CLEC16A: variants seen among roughly 807,000 people sequenced by gnomAD.
The protein encoded by CLEC16A is C-type lectin domain containing 16A.
Under a neutral mutation model 109.5 loss-of-function variants are expected in CLEC16A, and 51 were observed. The observed-to-expected ratio is 0.47, with a 90% CI of 0.37 to 0.59. CLEC16A has a LOEUF of 0.59. Ranked by LOEUF, CLEC16A falls within the 20% of genes least tolerant of loss-of-function variation. The pLI is 0.00. For synonymous variants in CLEC16A, 673 were observed against 564.2 expected, an observed-to-expected ratio of 1.19 and a Z score of -2.73; for missense variants, 1,339 against 1,394.0, an observed-to-expected ratio of 0.96 and a Z score of 0.63.
intron 19 of CLEC16A, among the ~76,000 whole-genome samples, chr16:11,103,666 C>G (rs936523928): frequency 6.6e-6 from 1 of 152,192 alleles, no homozygotes; most frequent in African/African-American, 2.4e-5. Flanking sequence ...AGTCTACATC[C>G]TCCTGGTCTT....
chr16:10,961,959 CTTTTTTTTCT>C lies in CLEC16A; in HGVS notation c.210-487_210-478del, dbSNP rs1187848107. ...TAAAGCTTTTTGGGAACTTTTTTTT[CTTTTTTTTCT>C]TTTTTTTTTTTTTGGCTCTGTCACC... On this transcript the variant is annotated intron_variant, in intron 2 of 23. Coordinates refer to ENST00000409790, the MANE Select transcript of CLEC16A (RefSeq NM_015226.3). This position sits in a 1 kb window ranked among gnomAD's most constrained non-coding sequence, Gnocchi z 4.3. Among the ~76,000 whole-genome samples, 2 of 92,834 alleles carry C rather than the reference CTTTTTTTTCT, an allele frequency of 2.2e-5. No individual in the cohort carries two copies. Among genetic ancestry groups the C allele is most frequent in the Non-Finnish European group, 4.0e-5 (2 of 49,948 alleles). 60.9% of individuals were successfully genotyped at this position (92,834 alleles called of 152,430 possible).
At chr16:11,153,630 C>T (rs894846067) in intron 22 of CLEC16A, among the ~76,000 whole-genome samples, 5 of 151,160 alleles carry the variant, frequency 3.3e-5, no homozygotes. Flanking sequence ...TTCCTCCTTT[C>T]TTCTTGACGC....
intron 17 of CLEC16A, among the ~76,000 whole-genome samples, chr16:11,050,802 C>G (rs761704093): frequency 1.3e-5 from 2 of 152,238 alleles, no homozygotes; most frequent in Non-Finnish European, 2.9e-5. Flanking sequence ...CAGCACGTGC[C>G]TGGCACTTAG....
intron 22 of CLEC16A, among the ~76,000 whole-genome samples, chr16:11,162,846 G>A (rs1348192875): frequency 6.6e-6 from 1 of 152,200 alleles, no homozygotes; most frequent in East Asian, 1.9e-4. Context: ...TTCGGTATGT[G>A]CATCCACCCA....
At position 11,119,831 on chromosome 16, in the gene CLEC16A, G is replaced by A. The variant is rs573298598; in HGVS notation, c.2117-784G>A. 1.2e-4 allele frequency among the ~76,000 whole-genome samples: 18 copies of A among 152,012 alleles called. No homozygotes were observed. In the East Asian group the frequency reaches 2.9e-3, roughly 24 times the overall value. Reference sequence around the variant, plus strand: ...AGGAATTGCATTGAATGTGTAGCTCGCCTTGGGTAGCATGGTCACTTTAAC... The same window carrying A: ...AGGAATTGCATTGAATGTGTAGCTCACCTTGGGTAGCATGGTCACTTTAAC... On this transcript the variant is annotated intron_variant, in intron 19 of 23. Transcript: ENST00000409790.
chr16:11,000,851 A>G (rs1300602872), intron 10 of CLEC16A, among the ~76,000 whole-genome samples: 3 of 152,182 alleles, frequency 2.0e-5, no homozygotes, highest in Admixed American at 6.5e-5. Flanking sequence ...ATTTCCATTT[A>G]TTGGCAAGGT....
intron 11 of CLEC16A, among the ~76,000 whole-genome samples, chr16:11,017,004 G>T (rs576339735): frequency 7.1e-5 from 9 of 127,638 alleles, no homozygotes; most frequent in Admixed American, 2.4e-4. Context: ...TCGGGGCGGG[G>T]GGGGGGGTGC....
intron 19 of CLEC16A, among the ~76,000 whole-genome samples, chr16:11,082,113 G>A (rs368665192): frequency 6.6e-6 from 1 of 152,222 alleles, no homozygotes; most frequent in South Asian, 2.1e-4. Context: ...TTGAAGTTCT[G>A]TGAAGGTTCG....
At position 11,053,689 on chromosome 16, in the gene CLEC16A, T is replaced by C. The variant is rs182372659; in HGVS notation, c.1995+2048T>C. 4.6e-3 allele frequency among the ~76,000 whole-genome samples: 699 copies of C among 152,228 alleles called. 5 individuals are homozygous for C. Among genetic ancestry groups the C allele is most frequent in the Middle Eastern group, 0.017 (5 of 294 alleles). On this transcript the variant is annotated intron_variant, in intron 18 of 23. Transcript: ENST00000409790. Reference sequence around the variant, plus strand: ...CCCTGTCCACAGGGGAAGAAATTGATGCATGGAGAGGTCTGGTGATTTGCT... The same window carrying C: ...CCCTGTCCACAGGGGAAGAAATTGACGCATGGAGAGGTCTGGTGATTTGCT...
At position 11,012,536 on chromosome 16, in the gene CLEC16A, G is replaced by A. The variant is rs1202088509; in HGVS notation, c.1304-7657G>A. Among the ~76,000 whole-genome samples, 27 of 148,202 alleles carry A rather than the reference G, an allele frequency of 1.8e-4. No homozygotes were observed. In the East Asian group the frequency reaches 5.1e-3, roughly 28 times the overall value. On this transcript the variant is annotated intron_variant, in intron 11 of 23. Coordinates refer to ENST00000409790, the MANE Select transcript of CLEC16A (RefSeq NM_015226.3). ...CGTGAACCCGGGAGGCGGAGCTTGT[G>A]GTGAGCCGAGATCACGCCACTGCAC...
At chr16:11,137,587 TAAAAAA>T (rs5815617) in intron 22 of CLEC16A, among the ~76,000 whole-genome samples, 2 of 59,312 alleles carry the variant, frequency 3.4e-5, no homozygotes, top group African/African-American at 6.7e-5. Context: ...AGACTCCATC[TAAAAAA>T]AAAAAAAAAA....
chr16:11,156,095 C>T (rs573074977), intron 22 of CLEC16A, among the ~76,000 whole-genome samples: 7 of 152,280 alleles, frequency 4.6e-5, no homozygotes, highest in African/African-American at 1.7e-4. Flanking sequence ...GGCATGGTGG[C>T]TCATGCCTGT....
At chr16:11,095,535 G>C (rs2050554727) in intron 19 of CLEC16A, among the ~76,000 whole-genome samples, 2 of 152,198 alleles carry the variant, frequency 1.3e-5, no homozygotes, top group Admixed American at 1.3e-4. Context: ...GCTACAGCCG[G>C]GCACGATGGC....
intron 16 of CLEC16A, among the ~76,000 whole-genome samples, chr16:11,046,909 G>A (rs1033503414): frequency 3.3e-5 from 5 of 152,176 alleles, no homozygotes; most frequent in Admixed American, 2.6e-4. Flanking sequence ...TATCTTTAAT[G>A]TGGTAACTTA....
intron 11 of CLEC16A, among the ~76,000 whole-genome samples, chr16:11,017,977 A>G (rs1392885428): frequency 6.7e-6 from 1 of 149,370 alleles, no homozygotes; most frequent in Non-Finnish European, 1.5e-5. Context: ...AGTTTAGTTA[A>G]TAACAATTTT....
chr16:11,099,098 T>C (rs1230221206), intron 19 of CLEC16A, among the ~76,000 whole-genome samples: 1 of 117,544 alleles, frequency 8.5e-6, no homozygotes, highest in Non-Finnish European at 1.8e-5. Context: ...ACCCCCAGGC[T>C]GAGTGAGCCA....
In CLEC16A at chr16:11,178,327, C is replaced by A; in HGVS notation, c.2807-8C>A. 1 of 1,597,948 alleles carries A rather than the reference C, an allele frequency of 6.3e-7. No homozygotes were observed. Among genetic ancestry groups the A allele is most frequent in the South Asian group, 1.1e-5 (1 of 89,840 alleles). On this transcript the variant is annotated splice_polypyrimidine_tract_variant and splice_region_variant and intron_variant, in intron 23 of 23. Coordinates refer to ENST00000409790, the MANE Select transcript of CLEC16A (RefSeq NM_015226.3). This position sits in a 1 kb window ranked among gnomAD's most constrained non-coding sequence, Gnocchi z 6.5. ...CAGTGTGTTTCCGGTTTTTCTCCCCCAATCCAGATGCCCCCATGAGTCCAG... is the reference window on the plus strand; with the variant it reads ...CAGTGTGTTTCCGGTTTTTCTCCCCAAATCCAGATGCCCCCATGAGTCCAG...
rs1413377156 is a variant in CLEC16A, at chr16:11,044,520, T to C, written c.1815+448T>C. Among the ~76,000 whole-genome samples, 3 of 152,384 alleles carry C rather than the reference T, an allele frequency of 2.0e-5. No homozygotes were observed. The East Asian group carries it at 5.8e-4, about 29-fold the overall frequency. ...TATATTGATATGTGCTAAGAAACCT[T>C]ATACAGACTTCTAAACCTCTATTAA... On this transcript the variant is annotated intron_variant, in intron 16 of 23. Coordinates refer to ENST00000409790, the MANE Select transcript of CLEC16A (RefSeq NM_015226.3).
In CLEC16A at chr16:10,979,335, G is replaced by T; in HGVS notation, c.910G>T (p.Glu304Ter). The T allele has an allele frequency of 1.2e-6, 2 of 1,612,312 alleles. No homozygotes were observed. The highest frequency in any genetic ancestry group is 8.5e-7 in the Non-Finnish European group (1 of 1,179,348). ...TCCTGCCACCCTGCACTAGGGAGGA[G>T]AACGGCCGAAAATTAGCCTGCCGGT... ...YSLENQDKGGERPKISLPVSL... is the reference protein window; with the variant it reads ...YSLENQDKGG Residue 304 changes from glutamate to a stop codon, truncating the protein, a stop_gained, in exon 9 of 24, where the codon GAA (glutamate) becomes TAA (stop). Transcript: ENST00000409790. LOFTEE classifies it high-confidence loss of function.
Sources: allele counts gnomAD v4.1 joint callset (sites outside exome capture counted in the v4.1 genomes callset), GRCh38; gene constraint gnomAD v4.1.1; non-coding constraint Gnocchi (gnomAD v3.1); transcripts MANE v1.5; gene names NCBI Gene and HGNC (gene_info 2026-07-23, HGNC 2026-07-21).